ZNF599: variants seen among roughly 807,000 people sequenced by gnomAD.
ZNF599 encodes the protein zinc finger protein 599.
In ZNF599, 10 loss-of-function variants were observed where a neutral mutation model predicts 11.7. That is an observed-to-expected ratio of 0.86 (90% CI 0.53 to 1.45). The LOEUF is 1.45. ZNF599 is among the 40% of genes most tolerant of loss of function. The pLI is 0.00. For missense variants in ZNF599, 688 were observed against 713.6 expected, an observed-to-expected ratio of 0.96 and a Z score of 0.41; for synonymous variants, 232 against 253.2, an observed-to-expected ratio of 0.92 and a Z score of 0.79.
chr19:34,779,477 G>T, the ZNF599 span: 1 of 456,646 alleles, frequency 2.2e-6, no homozygotes, highest in Non-Finnish European at 4.4e-6. Flanking sequence ...TGAGGCTGGG[G>T]CTTTGGATAA....
In ZNF599 at chr19:34,772,827, C is replaced by A; in HGVS notation, c.15G>T (p.Ala5=). Reference sequence around the variant, plus strand: ...GGCTGCGGAACCCTCCACTCACCAACGCCGGCGCCGCCATGGGCCCAGGGG... The same window carrying A: ...GGCTGCGGAACCCTCCACTCACCAAAGCCGGCGCCGCCATGGGCCCAGGGG... MAAP[A]LALVSFEDVV... is the part of the protein sequence containing the mutation. Residue 5 remains alanine, a synonymous_variant, in exon 1 of 4, where the codon GCG becomes GCT. Coordinates refer to ENST00000329285, the MANE Select transcript of ZNF599 (RefSeq NM_001007248.3). 1.3e-6 allele frequency: 2 copies of A among 1,522,118 alleles called. No homozygotes were observed. The highest frequency in any genetic ancestry group is 8.8e-7 in the Non-Finnish European group (1 of 1,138,474). 94.3% of individuals were successfully genotyped at this position (1,522,118 alleles called of 1,614,324 possible).
In ZNF599 at chr19:34,759,537, G is replaced by C; in HGVS notation, c.1264C>G (p.Pro422Ala). 6.2e-7 allele frequency: 1 copy of C among 1,614,040 alleles called. No individual in the cohort carries two copies. Among genetic ancestry groups the C allele is most frequent in the Non-Finnish European group, 8.5e-7 (1 of 1,179,992 alleles). The change falls in exon 4 of 4, where the codon CCC becomes GCC. Residue 422 changes from proline to alanine, a missense_variant. Pro to Ala is a conservative substitution (Grantham distance 27). Coordinates refer to ENST00000329285, the MANE Select transcript of ZNF599 (RefSeq NM_001007248.3). Reference sequence around the variant, plus strand: ...TTCCCACATTCTTTGCACTCAAAGGGCTTCTCTCCGGTATGGGTCCTCTTA... The same window carrying C: ...TTCCCACATTCTTTGCACTCAAAGGCCTTCTCTCCGGTATGGGTCCTCTTA... Reference protein sequence around the residue: ...RHKRTHTGEKPFECKECGKAF... With the variant: ...RHKRTHTGEKAFECKECGKAF...
chr19:34,794,385 G>C, the ZNF599 span, among the ~76,000 whole-genome samples: 1 of 152,080 alleles, frequency 6.6e-6, no homozygotes, highest in Non-Finnish European at 1.5e-5. Flanking sequence ...TATAATTAAT[G>C]TACAATGAGC....
At position 34,762,652 on chromosome 19, in the gene ZNF599, A is replaced by G. The variant is rs1477646029; in HGVS notation, c.242-2093T>C. ...TTCATGCAATTGACTCTAGCAGGAA[A>G]AAAAATGAGTGAACTACAGCTATAT... On this transcript the variant is annotated intron_variant, in intron 3 of 3. Coordinates refer to ENST00000329285, the MANE Select transcript of ZNF599 (RefSeq NM_001007248.3). 7 of 152,232 alleles carry G rather than the reference A, an allele frequency of 4.6e-5. No homozygotes were observed. In the South Asian group the frequency reaches 1.0e-3, roughly 23 times the overall value. The allele number at this position is 152,232 out of a possible 1,614,324, so 9.4% of individuals were successfully genotyped here.
At chr19:34,771,073 G>C (rs1365339896) in intron 1 of ZNF599, among the ~76,000 whole-genome samples, 4 of 152,050 alleles carry the variant, frequency 2.6e-5, no homozygotes, top group Non-Finnish European at 5.9e-5. Flanking sequence ...TCAGGAGTTC[G>C]AGGCCAGCCT....
the ZNF599 span, among the ~76,000 whole-genome samples, chr19:34,789,062 T>C: frequency 1.3e-5 from 2 of 152,218 alleles, no homozygotes; most frequent in African/African-American, 4.8e-5. Context: ...AACTGAAATT[T>C]TGTATCCTTT....
chr19:34,768,054 T>A (rs1454155682), intron 2 of ZNF599, among the ~76,000 whole-genome samples: 1 of 152,202 alleles, frequency 6.6e-6, no homozygotes, highest in Non-Finnish European at 1.5e-5. Context: ...AGTCAATGAC[T>A]GAGGCACCAG....
At chr19:34,775,940 C>T (rs2069215569), upstream of ZNF599, among the ~76,000 whole-genome samples, 1 of 152,114 alleles carries the variant, frequency 6.6e-6, no homozygotes, top group African/African-American at 2.4e-5. Flanking sequence ...TTATGAAACA[C>T]ATCAAGGAAA....
the ZNF599 span, chr19:34,791,685 G>A: frequency 6.6e-6 from 1 of 152,304 alleles, no homozygotes; most frequent in African/African-American, 2.4e-5. Flanking sequence ...GGGGGTAAGA[G>A]GATGGTCAAA....
chr19:34,806,439 C>A, the ZNF599 span, among the ~76,000 whole-genome samples: 27 of 152,322 alleles, frequency 1.8e-4, no homozygotes, highest in African/African-American at 6.5e-4. Context: ...AGTTCACAAC[C>A]CTGCATGGCT....
chr19:34,782,786 T>A, the ZNF599 span, among the ~76,000 whole-genome samples: 1 of 152,172 alleles, frequency 6.6e-6, no homozygotes, highest in African/African-American at 2.4e-5. Context: ...CACATTATGG[T>A]ATAGGCGTCT....
chr19:34,776,692 C>T (rs2069217831), upstream of ZNF599, among the ~76,000 whole-genome samples: 1 of 152,160 alleles, frequency 6.6e-6, no homozygotes, highest in South Asian at 2.1e-4. Flanking sequence ...CTTGGCTTCA[C>T]CCAGGGAAGG....
chr19:34,790,734 T>C, the ZNF599 span, among the ~76,000 whole-genome samples: 72 of 152,286 alleles, frequency 4.7e-4, no homozygotes, highest in African/African-American at 1.7e-3. Context: ...TATCTTAAAA[T>C]TGCTAAAATA....
chr19:34,760,634 G>T, intron 3 of ZNF599, 75 bp from the exon 4 acceptor site: 2 of 1,316,612 alleles, frequency 1.5e-6, no homozygotes, highest in South Asian at 3.0e-5. Context: ...CACTTTAGCA[G>T]AAGAATGAAG....
rs963599566 is a variant in ZNF599, at chr19:34,759,016, T to C, written c.*18A>G. 8.8e-6 allele frequency: 14 copies of C among 1,585,980 alleles called. No individual in the cohort carries two copies. In the African/African-American group the frequency reaches 9.5e-5, roughly 11 times the overall value. ...TCACTAAAGACAAACACACTTGTAATAGGCCTTCCTGTATCTTTTAAACTC... is the reference window on the plus strand; with the variant it reads ...TCACTAAAGACAAACACACTTGTAACAGGCCTTCCTGTATCTTTTAAACTC... On this transcript the variant is annotated 3_prime_UTR_variant, in exon 4 of 4. Coordinates refer to ENST00000329285, the MANE Select transcript of ZNF599 (RefSeq NM_001007248.3).
chr19:34,768,200 G>A (rs1246733350), intron 2 of ZNF599, among the ~76,000 whole-genome samples: 1 of 152,166 alleles, frequency 6.6e-6, no homozygotes, highest in Non-Finnish European at 1.5e-5. Flanking sequence ...GCTTGGCACT[G>A]AGCTGGGTGA....
At position 34,759,107 on chromosome 19, in the gene ZNF599, C is replaced by A. The variant is rs2069090133; in HGVS notation, c.1694G>T (p.Cys565Phe). ...RTHTGEKPFE[C>F]NECGKTFSHS... ...GCTGAAGGTCTTTCCACATTCATTG[C>A]ATTCAAAGGGTTTCTCTCCAGTGTG... The change falls in exon 4 of 4, where the codon TGC (cysteine) becomes TTC (phenylalanine). Residue 565 changes from cysteine to phenylalanine, a missense_variant. Cys to Phe is a radical substitution (Grantham distance 205). Transcript: ENST00000329285. The A allele has an allele frequency of 6.2e-7, 1 of 1,614,178 alleles. No individual in the cohort carries two copies. Among genetic ancestry groups the A allele is most frequent in the Non-Finnish European group, 8.5e-7 (1 of 1,179,998 alleles).
chr19:34,767,146 A>C, intron 3 of ZNF599, 170 bp downstream of exon 3: 1 of 580,236 alleles, frequency 1.7e-6, no homozygotes, highest in Admixed American at 2.9e-5. Context: ...TCCAACCTGA[A>C]TAAAGGCAAA....
chr19:34,772,034 A>G (rs1038006497), intron 1 of ZNF599, among the ~76,000 whole-genome samples: 9 of 152,210 alleles, frequency 5.9e-5, no homozygotes, highest in African/African-American at 2.2e-4. Context: ...GGAAAAATGA[A>G]TAGACAACTC....
Sources: gnomAD v4.1 joint callset for allele counts (sites outside exome capture counted in the v4.1 genomes callset) on GRCh38, gnomAD v4.1.1 for gene constraint, MANE v1.5 for transcripts, NCBI Gene and HGNC (gene_info 2026-07-23, HGNC 2026-07-21) for gene names.